CASP10: variants seen among roughly 807,000 people sequenced by gnomAD.
The protein encoded by CASP10 is caspase-10.
A neutral mutation model predicts 48.5 loss-of-function variants in CASP10; 41 were observed. The ratio of observed to expected loss-of-function variants is 0.85; its 90% CI spans 0.66 to 1.10. The LOEUF is 1.10. CASP10 is among the 50% of genes least tolerant of loss of function. The probability of loss-of-function intolerance (pLI) is 0.00; values close to 1 mark genes in which losing one functional copy is unlikely to be tolerated. For synonymous variants in CASP10, 232 were observed against 238.4 expected (o/e 0.97, Z 0.25); for missense variants, 614 against 614.5 (o/e 1.00, Z 0.01).
At chr2:201,203,851 G>T in intron 6 of CASP10, 85 bp downstream of exon 6, 1 of 1,056,418 alleles carries the variant, frequency 9.5e-7, no homozygotes, top group South Asian at 1.3e-5. Flanking sequence ...AATTCAAGGT[G>T]ACTTGGAAGA....
At chr2:201,190,511 C>T (rs1386935068) in intron 3 of CASP10, among the ~76,000 whole-genome samples, 2 of 152,164 alleles carry the variant, frequency 1.3e-5, no homozygotes, top group Non-Finnish European at 2.9e-5. Context: ...CAGAATTTCT[C>T]AAAGTCAGAG....
intron 9 of CASP10, among the ~76,000 whole-genome samples, chr2:201,215,531 T>C (rs1055993759): frequency 3.3e-5 from 5 of 152,174 alleles, no homozygotes; most frequent in African/African-American, 1.2e-4. Context: ...TATTGTGTGT[T>C]CTGGGCACCT....
At chr2:201,205,228 C>CTTTTTTTTTTT (rs35121141) in intron 6 of CASP10, among the ~76,000 whole-genome samples, 1 of 138,868 alleles carries the variant, frequency 7.2e-6, no homozygotes, top group Non-Finnish European at 1.6e-5. Context: ...CTTTTCTTTT[C>CTTTTTTTTTTT]TTTTTTTTTT....
intron 7 of CASP10, among the ~76,000 whole-genome samples, 174 bp from the exon 8 acceptor site, chr2:201,207,898 AAAC>A (rs772850914): frequency 7.2e-5 from 11 of 152,178 alleles, no homozygotes; most frequent in African/African-American, 2.4e-4. Context: ...CTCCATCTCA[AAAC>A]AACAACAACA....
rs568287435 is a variant in CASP10 at position 201,218,036 on chromosome 2, C to T, written c.*295C>T. On this transcript the variant is annotated 3_prime_UTR_variant, in exon 10 of 10. Transcript: ENST00000286186. ...TCAAGCTGTCCTCCCGCCTCAGCTT[C>T]CCAAGTAGCTGGGACCACAGGTGTG... The T allele has an allele frequency of 2.1e-4, 164 of 797,392 alleles. No homozygotes were observed. The African/African-American group carries it at 2.8e-3, about 14-fold the overall frequency. 49.4% of individuals were successfully genotyped at this position (797,392 alleles called of 1,614,324 possible). A position where few individuals can be genotyped will look rare whatever the true frequency, so the allele number is the denominator to read the frequency against.
chr2:201,209,143 G>C lies in CASP10; in HGVS notation c.996G>C (p.Met332Ile), dbSNP rs753277157. The C allele has an allele frequency of 9.3e-6, 15 of 1,611,840 alleles. No homozygotes were observed. Among genetic ancestry groups the C allele is most frequent in the Non-Finnish European group, 5.9e-6 (7 of 1,179,258 alleles). Residue 332 changes from methionine to isoleucine, a missense_variant, in exon 9 of 10, where the codon ATG becomes ATC. Physicochemically the swap from Met to Ile is conservative, Grantham distance 10. Coordinates refer to ENST00000286186, the MANE Select transcript of CASP10 (RefSeq NM_032977.4). ...HIHNNVTKVEMEMVLQKQKCN... is the reference protein window; with the variant it reads ...HIHNNVTKVEIEMVLQKQKCN... Reference sequence around the variant, plus strand: ...ACAATAATGTGACGAAAGTGGAAATGGAGATGGTCCTGCAGAAGCAGAAGT... The same window carrying C: ...ACAATAATGTGACGAAAGTGGAAATCGAGATGGTCCTGCAGAAGCAGAAGT...
chr2:201,189,062 G>A (rs879316564), intron 3 of CASP10, among the ~76,000 whole-genome samples: 4 of 151,566 alleles, frequency 2.6e-5, no homozygotes, highest in Admixed American at 2.6e-4. Context: ...AGTAGAGATA[G>A]GGTTTCACCA....
chr2:201,207,634 G>A (rs536325421), intron 7 of CASP10, among the ~76,000 whole-genome samples: 77 of 152,210 alleles, frequency 5.1e-4, no homozygotes, highest in Admixed American at 2.4e-3. Context: ...GCGGGCGCCT[G>A]TAGTCCCAGC....
At chr2:201,215,223 T>G (rs1445213035) in intron 9 of CASP10, among the ~76,000 whole-genome samples, 2 of 148,296 alleles carry the variant, frequency 1.3e-5, no homozygotes, top group African/African-American at 2.5e-5. Flanking sequence ...TTTTTTTTTT[T>G]TTTTTTTTTT....
At chr2:201,212,672 A>G (rs1389959611) in intron 9 of CASP10, 2 of 152,232 alleles carry the variant, frequency 1.3e-5, no homozygotes, top group African/African-American at 2.4e-5. Flanking sequence ...TCTGATAAAG[A>G]GTTGGAAAAT....
At chr2:201,228,016 A>G (rs1481440377) in intron 9 of CASP10, among the ~76,000 whole-genome samples, 1 of 151,902 alleles carries the variant, frequency 6.6e-6, no homozygotes, top group East Asian at 1.9e-4. Context: ...TAAGGCTGCT[A>G]TTTCACCATT....
At chr2:201,226,690 CA>C (rs11354026) in intron 9 of CASP10, among the ~76,000 whole-genome samples, 18,951 of 142,632 alleles carry the variant, frequency 0.13, 2,574 homozygotes, top group African/African-American at 0.35. Context: ...TGTAAAAGTA[CA>C]AAAAAAAAAA....
At chr2:201,208,462 A>C (rs1368447101) in intron 8 of CASP10, 1 of 634,888 alleles carries the variant, frequency 1.6e-6, no homozygotes, top group African/African-American at 2.0e-5. Flanking sequence ...CTCCACCACT[A>C]ACTAGGTGTG....
intron 2 of CASP10, 107 bp downstream of exon 2, chr2:201,186,231 T>A: frequency 1.3e-6 from 1 of 791,450 alleles, no homozygotes; most frequent in Non-Finnish European, 2.2e-6. Context: ...GTTATCTACC[T>A]CCTTGGATGA....
intron 9 of CASP10, chr2:201,212,401 G>T (rs986029964): frequency 1.6e-4 from 25 of 152,294 alleles, no homozygotes; most frequent in African/African-American, 6.0e-4. Flanking sequence ...GAAGTCAGGG[G>T]TGGAGGCCAA....
At chr2:201,222,608 T>C (rs148523124), downstream of CASP10, among the ~76,000 whole-genome samples, 47 of 152,364 alleles carry the variant, frequency 3.1e-4, 1 homozygote, top group Non-Finnish European at 6.3e-4. Flanking sequence ...ATTTAACTAC[T>C]GGTGTTTATT....
At chr2:201,196,001 C>T in intron 5 of CASP10, 53 bp downstream of exon 5, 1 of 1,189,458 alleles carries the variant, frequency 8.4e-7, no homozygotes, top group Non-Finnish European at 1.3e-6. Flanking sequence ...CACCCTCCAA[C>T]CTCCCCTCCC....
Position 201,187,745 on chromosome 2 carries a change from G to T in CASP10, c.387G>T (p.Glu129Asp), listed in dbSNP as rs762663648. 5.6e-6 allele frequency: 9 copies of T among 1,613,960 alleles called. No individual in the cohort carries two copies. Among genetic ancestry groups the T allele is most frequent in the Middle Eastern group, 1.6e-4 (1 of 6,084 alleles). The change falls in exon 3 of 10, where the codon GAG (glutamate) becomes GAT (aspartate). Residue 129 changes from glutamate to aspartate, a missense_variant. Transcript: ENST00000286186. ...AACTGTCAGAAGGCATTGACTCAGA[G>T]AACTTAAAGGACATGATCTTCCTTC... ...LYELSEGIDS[E>D]NLKDMIFLLK...
intron 9 of CASP10, among the ~76,000 whole-genome samples, chr2:201,215,211 G>GTTTTTT (rs10616229): frequency 2.3e-4 from 7 of 29,910 alleles, no homozygotes; most frequent in East Asian, 1.1e-3. Context: ...TCTTCCCTCG[G>GTTTTTT]TTTTTTTTTT....
Sources: allele counts gnomAD v4.1 joint callset (sites outside exome capture counted in the v4.1 genomes callset), GRCh38; gene constraint gnomAD v4.1.1; transcripts MANE v1.5; gene names NCBI Gene and HGNC (gene_info 2026-07-23, HGNC 2026-07-21).